COL25A1: variants seen among roughly 807,000 people sequenced by gnomAD.
The protein encoded by COL25A1 is collagen alpha-1(XXV) chain.
COL25A1 carries 103 observed loss-of-function variants against 128.4 expected under a neutral mutation model. The observed-to-expected ratio is 0.80, with a 90% confidence interval of 0.68 to 0.94. The LOEUF (loss-of-function observed/expected upper bound fraction) is 0.94. Ranked by LOEUF, COL25A1 falls within the 40% of genes least tolerant of loss-of-function variation. The probability of loss-of-function intolerance (pLI) is 0.00; values close to 1 mark genes in which losing one functional copy is unlikely to be tolerated. For synonymous variants in COL25A1, 279 were observed against 277.2 expected (o/e 1.01, Z -0.06); for missense variants, 745 against 840.0 (o/e 0.89, Z 1.40).
intron 5 of COL25A1, among the ~76,000 whole-genome samples, chr4:109,026,135 C>CACACACACACACACAT (rs777392221): frequency 6.6e-6 from 1 of 150,690 alleles, no homozygotes; most frequent in African/African-American, 2.4e-5. Flanking sequence ...CACACACACA[C>CACACACACACACACAT]ATATACTCTT....
Position 108,924,829 on chromosome 4 carries a change from C to A in COL25A1, c.709-4225G>T, listed in dbSNP as rs1745864718. Reference sequence around the variant, plus strand: ...CTGCATAAGCCAGGCTTCCACATTTCTACACCTCTGTCTGTTCCTATAAGG... The same window carrying A: ...CTGCATAAGCCAGGCTTCCACATTTATACACCTCTGTCTGTTCCTATAAGG... On this transcript the variant is annotated intron_variant, in intron 11 of 37. Transcript: ENST00000399132. 2.0e-5 allele frequency among the ~76,000 whole-genome samples: 3 copies of A among 152,158 alleles called. 1 individual carries two copies. In the South Asian group the frequency reaches 6.2e-4, roughly 32 times the overall value.
chr4:109,000,090 A>C (rs1371082370), intron 6 of COL25A1, among the ~76,000 whole-genome samples: 1 of 152,156 alleles, frequency 6.6e-6, no homozygotes. Flanking sequence ...CATTGTACAC[A>C]TGTGCCCTAG....
intron 3 of COL25A1, among the ~76,000 whole-genome samples, chr4:109,222,458 T>G (rs1396062982): frequency 1.3e-5 from 2 of 152,182 alleles, no homozygotes; most frequent in Non-Finnish European, 2.9e-5. Flanking sequence ...AACTAAAAGC[T>G]CAACTCTATA....
At chr4:108,873,836 G>C (rs548386481) in intron 19 of COL25A1, among the ~76,000 whole-genome samples, 1 of 151,958 alleles carries the variant, frequency 6.6e-6, no homozygotes, top group African/African-American at 2.4e-5. Context: ...AAAGTGATGA[G>C]TTTACTAAGA....
At chr4:108,898,977 CTATATCTATATATCTATATATCTA>C (rs200934434) in intron 15 of COL25A1, among the ~76,000 whole-genome samples, 153 bp downstream of exon 15, 12 of 109,200 alleles carry the variant, frequency 1.1e-4, no homozygotes, top group African/African-American at 3.3e-4. Context: ...GGAGTCATAT[CTATATCTATATATCTATATATCTA>C]TATATCTATA....
At chr4:109,248,543 C>T (rs1042320145) in intron 3 of COL25A1, among the ~76,000 whole-genome samples, 5 of 151,580 alleles carry the variant, frequency 3.3e-5, no homozygotes, top group African/African-American at 4.9e-5. Context: ...GTATCCCACA[C>T]AAAAAGAATC....
At chr4:109,213,717 AT>A (rs1777769269) in intron 3 of COL25A1, among the ~76,000 whole-genome samples, 1 of 152,188 alleles carries the variant, frequency 6.6e-6, no homozygotes, top group South Asian at 2.1e-4. Context: ...AAACAAATTA[AT>A]GATTACTGTT....
chr4:108,825,060 G>T, intron 34 of COL25A1, 136 bp downstream of exon 34: 1 of 609,628 alleles, frequency 1.6e-6, no homozygotes, highest in South Asian at 2.6e-5. Flanking sequence ...TTATATTGCT[G>T]TTTACATGCA....
chr4:109,136,725 G>A lies in COL25A1; in HGVS notation c.368-86546C>T, dbSNP rs370056191. Among the ~76,000 whole-genome samples, 105 of 152,350 alleles carry A rather than the reference G, an allele frequency of 6.9e-4. 1 individual carries two copies. Among genetic ancestry groups the A allele is most frequent in the African/African-American group, 2.4e-3 (98 of 41,584 alleles). On this transcript the variant is annotated intron_variant, in intron 3 of 37. Transcript: ENST00000399132. ...TGTAAGCCATGTGTGGCGGGCAGCCGCTGAGAAGGCCTCAGTGACCCCCAG... is the reference window on the plus strand; with the variant it reads ...TGTAAGCCATGTGTGGCGGGCAGCCACTGAGAAGGCCTCAGTGACCCCCAG...
At chr4:109,037,128 G>A (rs1280303361) in intron 5 of COL25A1, among the ~76,000 whole-genome samples, 2 of 152,154 alleles carry the variant, frequency 1.3e-5, no homozygotes, top group African/African-American at 4.8e-5. Flanking sequence ...CATAGATGTA[G>A]CTAACAAAGG....
chr4:109,174,408 C>G (rs1773878650), intron 3 of COL25A1, among the ~76,000 whole-genome samples: 3 of 152,154 alleles, frequency 2.0e-5, no homozygotes, highest in Admixed American at 1.3e-4. Flanking sequence ...CCTGCTTATT[C>G]CTGAGTAGCA....
intron 3 of COL25A1, among the ~76,000 whole-genome samples, chr4:109,277,691 G>A (rs909108097): frequency 4.6e-5 from 7 of 152,112 alleles, no homozygotes; most frequent in African/African-American, 1.7e-4. Context: ...ATCTTCCAGA[G>A]AACTTAGATT....
chr4:109,065,265 G>A (rs985798135), intron 3 of COL25A1, among the ~76,000 whole-genome samples: 10 of 152,220 alleles, frequency 6.6e-5, no homozygotes, highest in Middle Eastern at 3.4e-3. Flanking sequence ...TACACACTCC[G>A]TCTTTCTTGT....
chr4:108,867,913 T>C (rs1007690162), intron 20 of COL25A1, among the ~76,000 whole-genome samples: 3 of 152,088 alleles, frequency 2.0e-5, no homozygotes, highest in African/African-American at 7.2e-5. Context: ...TGGCAGTATA[T>C]ATAGATTTTG....
intron 19 of COL25A1, among the ~76,000 whole-genome samples, chr4:108,872,691 T>TACACAC (rs34351573): frequency 6.6e-6 from 1 of 150,856 alleles, no homozygotes; most frequent in Non-Finnish European, 1.5e-5. Context: ...GATATATATA[T>TACACAC]ACACACACAC....
intron 3 of COL25A1, among the ~76,000 whole-genome samples, chr4:109,258,881 C>G (rs1242095923): frequency 6.6e-6 from 1 of 152,054 alleles, no homozygotes; most frequent in Non-Finnish European, 1.5e-5. Context: ...AAATTCCAGC[C>G]CAATTACTAC....
intron 3 of COL25A1, among the ~76,000 whole-genome samples, chr4:109,297,593 T>C (rs1410136076): frequency 6.6e-6 from 1 of 152,092 alleles, no homozygotes; most frequent in African/African-American, 2.4e-5. Context: ...ATGAATAATC[T>C]ACAGATACAT....
At chr4:108,977,943 C>T (rs148131520) in intron 6 of COL25A1, among the ~76,000 whole-genome samples, 6 of 152,292 alleles carry the variant, frequency 3.9e-5, no homozygotes, top group African/African-American at 9.6e-5. Flanking sequence ...GGCCACATCT[C>T]CCATTGTACC....
chr4:109,183,818 A>G (rs563790312), intron 3 of COL25A1, among the ~76,000 whole-genome samples: 3 of 151,940 alleles, frequency 2.0e-5, no homozygotes, highest in Non-Finnish European at 4.4e-5. Flanking sequence ...TAATAGCATC[A>G]TGATTTCCAG....
Sources: allele counts gnomAD v4.1 joint callset (sites outside exome capture counted in the v4.1 genomes callset), GRCh38; gene constraint gnomAD v4.1.1; transcripts MANE v1.5; gene names NCBI Gene and HGNC (gene_info 2026-07-23, HGNC 2026-07-21).